The following BPI variants were observed in gnomAD, a reference collection of about 807,000 sequenced individuals.
The protein encoded by BPI is bactericidal permeability increasing protein.
BPI carries 48 observed loss-of-function variants against 57.6 expected under a neutral mutation model. The observed-to-expected ratio is 0.83, with a 90% CI of 0.66 to 1.06. BPI has a LOEUF of 1.06. Among genes scored for constraint, BPI ranks in the 50% least tolerant of loss-of-function variants. BPI has a pLI of 0.00. For synonymous variants in BPI, 237 were observed against 238.2 expected, an observed-to-expected ratio of 0.99 and a Z score of 0.05; for missense variants, 651 against 609.7, an observed-to-expected ratio of 1.07 and a Z score of -0.71.
At chr20:38,321,308 T>G (rs989996190) in intron 7 of BPI, among the ~76,000 whole-genome samples, 13 of 150,590 alleles carry the variant, frequency 8.6e-5, no homozygotes, top group South Asian at 6.3e-4. Context: ...GATGGATGGA[T>G]AGATGGAGTT....
At chr20:38,322,459 G>C (rs537186717) in intron 7 of BPI, among the ~76,000 whole-genome samples, 3 of 152,174 alleles carry the variant, frequency 2.0e-5, no homozygotes, top group Non-Finnish European at 4.4e-5. Flanking sequence ...AACCTCCCAG[G>C]TCCCTGGTTC....
intron 6 of BPI, 67 bp downstream of exon 6, chr20:38,318,543 G>T: frequency 6.5e-7 from 1 of 1,546,478 alleles, no homozygotes; most frequent in Non-Finnish European, 8.9e-7. Flanking sequence ...ACGTCAGGGT[G>T]GATGTGATGG....
rs1447037508 is a variant in BPI at position 38,304,369 on chromosome 20, C to A, written c.130+16C>A. ...CTGGACTACGGTAACTGGATGCCTCCCTTCCCTCCTCTCCACCCCTGAGGA... is the reference window on the plus strand; with the variant it reads ...CTGGACTACGGTAACTGGATGCCTCACTTCCCTCCTCTCCACCCCTGAGGA... On this transcript the variant is annotated intron_variant, in intron 1 of 14. Coordinates refer to ENST00000642449, the MANE Select transcript of BPI (RefSeq NM_001725.3). 1 of 1,610,938 alleles carries A rather than the reference C, an allele frequency of 6.2e-7. No homozygotes were observed. Among genetic ancestry groups the A allele is most frequent in the African/African-American group, 1.3e-5 (1 of 74,904 alleles).
chr20:38,331,958 T>G (rs1432115709), intron 12 of BPI, among the ~76,000 whole-genome samples: 3 of 151,614 alleles, frequency 2.0e-5, no homozygotes, highest in African/African-American at 7.3e-5. Flanking sequence ...GAAGATGTGA[T>G]CAGGGAGGGC....
chr20:38,335,295 A>G (rs1485717024), intron 13 of BPI, among the ~76,000 whole-genome samples: 1 of 152,116 alleles, frequency 6.6e-6, no homozygotes, highest in Non-Finnish European at 1.5e-5. Context: ...CGCTCTAGTC[A>G]CACCATTGCA....
At chr20:38,320,050 C>T (rs1326184885) in intron 6 of BPI, 133 bp from the exon 7 acceptor site, 2 of 741,652 alleles carry the variant, frequency 2.7e-6, no homozygotes, top group Admixed American at 4.4e-5. Flanking sequence ...TTAAGGAGAG[C>T]TCCCTGGAGA....
chr20:38,313,694 A>T (rs1228216679), intron 5 of BPI, among the ~76,000 whole-genome samples: 2 of 152,188 alleles, frequency 1.3e-5, no homozygotes, highest in East Asian at 1.9e-4. Flanking sequence ...GAGGTTGATG[A>T]TGGTAATGGT....
chr20:38,320,403 T>A, intron 7 of BPI, 129 bp downstream of exon 7: 2 of 747,836 alleles, frequency 2.7e-6, no homozygotes, highest in South Asian at 3.8e-5. Context: ...CCCTCTCTAC[T>A]CTCCCCGCCT....
At chr20:38,318,684 ATAC>A (rs113587695) in intron 6 of BPI, among the ~76,000 whole-genome samples, 8,806 of 152,218 alleles carry the variant, frequency 0.058, 280 homozygotes, top group South Asian at 0.11. Flanking sequence ...CAAACAGCCC[ATAC>A]TACCTCATTC....
chr20:38,314,821 G>A (rs1333226329), intron 5 of BPI, among the ~76,000 whole-genome samples: 1 of 150,766 alleles, frequency 6.6e-6, no homozygotes, highest in Non-Finnish European at 1.5e-5. Context: ...TGATGGTGGG[G>A]ATGATGATAA....
At chr20:38,316,218 C>T (rs1242390833) in intron 5 of BPI, among the ~76,000 whole-genome samples, 4 of 149,456 alleles carry the variant, frequency 2.7e-5, no homozygotes, top group Non-Finnish European at 4.4e-5. Flanking sequence ...CCCCTCTTCC[C>T]TCCTTCCCCT....
rs1426576423 is a variant in BPI, at chr20:38,310,374, G to A, written c.375-117G>A. 1.2e-5 allele frequency: 15 copies of A among 1,255,188 alleles called. 1 individual carries two copies. Among genetic ancestry groups the A allele is most frequent in the South Asian group, 5.7e-5 (4 of 69,640 alleles). 77.8% of individuals were successfully genotyped at this position (1,255,188 alleles called of 1,614,324 possible). On this transcript the variant is annotated intron_variant, in intron 3 of 14. Coordinates refer to ENST00000642449, the MANE Select transcript of BPI (RefSeq NM_001725.3). The stretch of plus-strand genomic sequence containing the variant: ...GGCAAGCTGCCTCTTCTCTCTGAAC[G>A]TACCTCCTCACCTGGAGTGGGGATA...
chr20:38,330,855 G>A (rs1192855790), intron 11 of BPI, among the ~76,000 whole-genome samples, 193 bp from the exon 12 acceptor site: 2 of 152,144 alleles, frequency 1.3e-5, no homozygotes, highest in African/African-American at 2.4e-5. Flanking sequence ...TGGGGTCAAC[G>A]GCACTAACAA....
chr20:38,322,442 G>A (rs1271489826), intron 7 of BPI, among the ~76,000 whole-genome samples: 1 of 152,204 alleles, frequency 6.6e-6, no homozygotes, highest in Non-Finnish European at 1.5e-5. Flanking sequence ...CAACCATGGA[G>A]TGTGTTAACC....
rs531007495 is a variant in BPI, at chr20:38,332,337, T to A, written c.1272+1247T>A. Among the ~76,000 whole-genome samples the A allele has an allele frequency of 2.6e-5, 4 of 152,192 alleles. No homozygotes were observed. In the South Asian group the frequency reaches 8.3e-4, roughly 32 times the overall value. On this transcript the variant is annotated intron_variant, in intron 12 of 14. Transcript: ENST00000642449. The stretch of plus-strand genomic sequence containing the variant: ...GACAAGGGGTCATTGAGGAGGCTGG[T>A]GTGTTTGTCCACGTGAGATGCTGGA...
intron 5 of BPI, 92 bp downstream of exon 5, chr20:38,312,029 T>G (rs377230902): frequency 3.1e-6 from 4 of 1,307,850 alleles, no homozygotes; most frequent in Non-Finnish European, 4.4e-6. Flanking sequence ...CTGCTGTCAC[T>G]CCAGACCCCT....
In BPI at chr20:38,315,286, G is replaced by A. The variant is rs75433290; in HGVS notation, c.601-3127G>A. Among the ~76,000 whole-genome samples, 7 of 152,282 alleles carry A rather than the reference G, an allele frequency of 4.6e-5. No individual in the cohort carries two copies. In the East Asian group the frequency reaches 1.4e-3, roughly 29 times the overall value. ...CTTAACCATAAGATCCAATTTAGAAGCAAGTACTGGCCTGAATGAATGAAT... is the reference window on the plus strand; with the variant it reads ...CTTAACCATAAGATCCAATTTAGAAACAAGTACTGGCCTGAATGAATGAAT... On this transcript the variant is annotated intron_variant, in intron 5 of 14. Coordinates refer to ENST00000642449, the MANE Select transcript of BPI (RefSeq NM_001725.3).
intron 5 of BPI, among the ~76,000 whole-genome samples, chr20:38,316,535 A>T (rs1195849505): frequency 6.6e-6 from 1 of 152,212 alleles, no homozygotes; most frequent in African/African-American, 2.4e-5. Context: ...CCAAAGACAG[A>T]TGCTGAGTCA....
intron 7 of BPI, 44 bp downstream of exon 7, chr20:38,320,318 C>G (rs1418493063): frequency 6.4e-7 from 1 of 1,562,032 alleles, no homozygotes; most frequent in Admixed American, 1.7e-5. Context: ...ACCTCTGTCT[C>G]AGACACTCCA....
Sources: gnomAD v4.1 joint callset for allele counts (sites outside exome capture counted in the v4.1 genomes callset) on GRCh38, gnomAD v4.1.1 for gene constraint, MANE v1.5 for transcripts, NCBI Gene and HGNC (gene_info 2026-07-23, HGNC 2026-07-21) for gene names.